Variants in MECOM observed in about 807,000 individuals in gnomAD.
The protein encoded by MECOM is MDS1 and EVI1 complex locus.
Under a neutral mutation model 116.3 loss-of-function variants are expected in MECOM, and 13 were observed. The observed-to-expected ratio is 0.11, with a 90% CI of 0.07 to 0.18. The LOEUF (loss-of-function observed/expected upper bound fraction) is 0.18. Among genes scored for constraint, MECOM ranks in the 10% least tolerant of loss-of-function variants. The probability of loss-of-function intolerance (pLI) is 1.00; values close to 1 mark genes in which losing one functional copy is unlikely to be tolerated. For synonymous variants in MECOM, 528 were observed against 535.2 expected (o/e 0.99, Z 0.19); for missense variants, 1,299 against 1,509.0 (o/e 0.86, Z 2.31).
chr3:169,237,586 G>A (rs1754223768), intron 2 of MECOM, among the ~76,000 whole-genome samples: 1 of 131,758 alleles, frequency 7.6e-6, no homozygotes, highest in African/African-American at 2.9e-5. Context: ...TATTTCTGCT[G>A]TGCTAACTGC....
intron 1 of MECOM, among the ~76,000 whole-genome samples, chr3:169,471,138 C>T (rs532816826): frequency 3.3e-5 from 5 of 152,014 alleles, no homozygotes; most frequent in Admixed American, 6.5e-5. Flanking sequence ...ACTATAGGCA[C>T]GTGCCAGCAT....
At chr3:169,404,561 T>C (rs1736372404) in intron 1 of MECOM, among the ~76,000 whole-genome samples, 1 of 152,218 alleles carries the variant, frequency 6.6e-6, no homozygotes, top group African/African-American at 2.4e-5. Flanking sequence ...TCCCACACTG[T>C]TGCCTATGGG....
intron 1 of MECOM, among the ~76,000 whole-genome samples, chr3:169,652,408 C>T (rs1468932): frequency 0.52 from 78,596 of 152,004 alleles, 21,843 homozygotes; most frequent in African/African-American, 0.73. Context: ...CTTACCCTCA[C>T]TTAGAGGAGT....
chr3:169,580,782 A>G (rs1237469537), intron 1 of MECOM, among the ~76,000 whole-genome samples: 2 of 152,226 alleles, frequency 1.3e-5, no homozygotes, highest in East Asian at 3.8e-4. Flanking sequence ...TGTTCTCTAG[A>G]AATCAATATA....
At chr3:169,239,660 T>G (rs1829143) in intron 2 of MECOM, among the ~76,000 whole-genome samples, 81,113 of 151,868 alleles carry the variant, frequency 0.53, 22,143 homozygotes, top group Middle Eastern at 0.7. Context: ...GCTTACCATT[T>G]CTGTGTCATA....
intron 2 of MECOM, among the ~76,000 whole-genome samples, chr3:169,153,803 A>C (rs918125044): frequency 6.6e-6 from 1 of 152,164 alleles, no homozygotes; most frequent in African/African-American, 2.4e-5. Flanking sequence ...GTGTTGGGAA[A>C]ATAAATTGGG....
chr3:169,094,889 T>A (rs1720990055), intron 13 of MECOM, among the ~76,000 whole-genome samples, 187 bp downstream of exon 13: 1 of 152,178 alleles, frequency 6.6e-6, no homozygotes, highest in African/African-American at 2.4e-5. Flanking sequence ...GGCCACTGAA[T>A]TATAAATTAA....
At chr3:169,249,767 C>T (rs1756024186) in intron 2 of MECOM, among the ~76,000 whole-genome samples, 1 of 152,122 alleles carries the variant, frequency 6.6e-6, no homozygotes, top group Non-Finnish European at 1.5e-5. Context: ...TTTATAGTTA[C>T]ATCACTCATT....
chr3:169,363,536 C>G (rs985531944), intron 2 of MECOM, among the ~76,000 whole-genome samples: 4 of 151,970 alleles, frequency 2.6e-5, no homozygotes, highest in African/African-American at 9.7e-5. Context: ...ATTTTCACCT[C>G]TGACCCAAGA....
intron 2 of MECOM, among the ~76,000 whole-genome samples, chr3:169,349,103 C>T (rs1206978890): frequency 6.6e-6 from 1 of 150,724 alleles, no homozygotes; most frequent in African/African-American, 2.4e-5. Flanking sequence ...TGTTTTTCTC[C>T]CTCACTTCTT....
intron 2 of MECOM, among the ~76,000 whole-genome samples, chr3:169,176,416 G>A (rs1745178829): frequency 6.6e-6 from 1 of 152,150 alleles, no homozygotes. Flanking sequence ...CTAGCCATAT[G>A]AAGAAAACTG....
intron 1 of MECOM, among the ~76,000 whole-genome samples, chr3:169,576,838 C>CACACAGAGAGAGAGAGAGAG (rs368016499): frequency 1.6e-5 from 2 of 125,012 alleles, no homozygotes; most frequent in Admixed American, 1.7e-4. Flanking sequence ...CACACACACA[C>CACACAGAGAGAGAGAGAGAG]AGAGAGAGAG....
chr3:169,584,564 CAA>C (rs11323716), intron 1 of MECOM, among the ~76,000 whole-genome samples: 7,060 of 108,480 alleles, frequency 0.065, 451 homozygotes, highest in East Asian at 0.31. Flanking sequence ...AACTCCACCT[CAA>C]AAAAAAAAAA....
At chr3:169,423,703 C>T (rs1740156159) in intron 1 of MECOM, among the ~76,000 whole-genome samples, 1 of 152,036 alleles carries the variant, frequency 6.6e-6, no homozygotes, top group Non-Finnish European at 1.5e-5. Context: ...ATATTAACTC[C>T]ATCCCATTTC....
At chr3:169,326,982 T>C (rs1721939564) in intron 2 of MECOM, among the ~76,000 whole-genome samples, 1 of 152,208 alleles carries the variant, frequency 6.6e-6, no homozygotes, top group African/African-American at 2.4e-5. Flanking sequence ...CCAAGCCTAC[T>C]TTCAATAAAC....
chr3:169,631,730 C>T (rs1293982188), intron 1 of MECOM, among the ~76,000 whole-genome samples: 4 of 150,408 alleles, frequency 2.7e-5, no homozygotes, highest in Non-Finnish European at 5.9e-5. Context: ...TTTGTTCTTG[C>T]GATAGTTTAC....
At chr3:169,581,130 G>A (rs1248619356) in intron 1 of MECOM, among the ~76,000 whole-genome samples, 1 of 152,144 alleles carries the variant, frequency 6.6e-6, no homozygotes, top group Admixed American at 6.5e-5. Flanking sequence ...CTCACATAGT[G>A]AACAGGTCTT....
intron 1 of MECOM, among the ~76,000 whole-genome samples, chr3:169,656,472 G>A (rs1775557958): frequency 6.6e-6 from 1 of 152,062 alleles, no homozygotes; most frequent in African/African-American, 2.4e-5. Context: ...GAAGAGTCAG[G>A]AATTTGATTA....
intron 2 of MECOM, among the ~76,000 whole-genome samples, chr3:169,173,166 C>T (rs546091143): frequency 6.6e-6 from 1 of 152,062 alleles, no homozygotes; most frequent in Admixed American, 6.6e-5. Flanking sequence ...CTAACAACCA[C>T]TTCCTCCTTC....
Sources: gnomAD v4.1 joint callset for allele counts (sites outside exome capture counted in the v4.1 genomes callset) on GRCh38, gnomAD v4.1.1 for gene constraint, MANE v1.5 for transcripts, NCBI Gene and HGNC (gene_info 2026-07-23, HGNC 2026-07-21) for gene names.